The following PIP4K2A variants were observed in gnomAD, a reference collection of about 807,000 sequenced individuals.
PIP4K2A encodes phosphatidylinositol 5-phosphate 4-kinase type-2 alpha.
In PIP4K2A, 14 loss-of-function variants were observed where a neutral mutation model predicts 42.9. That is an observed-to-expected ratio of 0.33 (90% CI 0.22 to 0.51). The LOEUF (loss-of-function observed/expected upper bound fraction) is 0.51, where lower values mean the gene tolerates loss of function less well. PIP4K2A is among the 20% of genes least tolerant of loss of function. PIP4K2A has a pLI of 0.97. For synonymous variants in PIP4K2A, 192 were observed against 192.2 expected (o/e 1.00, Z 0.01); for missense variants, 434 against 519.8 (o/e 0.83, Z 1.61).
At chr10:22,623,627 G>T (rs1454111403) in intron 1 of PIP4K2A, among the ~76,000 whole-genome samples, 1 of 152,178 alleles carries the variant, frequency 6.6e-6, no homozygotes, top group Non-Finnish European at 1.5e-5. Context: ...GGACGTCCGT[G>T]CACTGCTCAG....
At chr10:22,695,867 G>A (rs1010390403) in intron 1 of PIP4K2A, among the ~76,000 whole-genome samples, 2 of 151,382 alleles carry the variant, frequency 1.3e-5, no homozygotes, top group Admixed American at 6.6e-5. Flanking sequence ...TAATATTTTC[G>A]ACCCGTGGTT....
Position 22,539,970 on chromosome 10 carries a change from C to T in PIP4K2A, c.1140+1G>A, listed in dbSNP as rs775248163. On this transcript the variant is annotated splice_donor_variant, in intron 9 of 9. Transcript: ENST00000376573. LOFTEE classifies it high-confidence loss of function. ...GAAGGAAACAAAATGGAGATACTCA[C>T]GCCATGTTTAACAGTTTTTGCAGCA... 2.6e-6 allele frequency: 4 copies of T among 1,552,844 alleles called. No homozygotes were observed. The highest frequency in any genetic ancestry group is 1.1e-5 in the South Asian group (1 of 89,848).
intron 1 of PIP4K2A, among the ~76,000 whole-genome samples, chr10:22,618,020 A>C (rs1036152369): frequency 6.6e-6 from 1 of 152,232 alleles, no homozygotes; most frequent in African/African-American, 2.4e-5. Flanking sequence ...TATGATGACT[A>C]TTCTAGATAC....
At chr10:22,681,335 C>T (rs1308778306) in intron 1 of PIP4K2A, among the ~76,000 whole-genome samples, 1 of 152,186 alleles carries the variant, frequency 6.6e-6, no homozygotes, top group Non-Finnish European at 1.5e-5. Flanking sequence ...CCTCTGTCTC[C>T]CCTACACTGT....
intron 3 of PIP4K2A, among the ~76,000 whole-genome samples, chr10:22,602,394 T>TAAAAAA (rs71395805): frequency 9.9e-6 from 1 of 101,254 alleles, no homozygotes; most frequent in African/African-American, 3.1e-5. Context: ...ACTCTGTCTA[T>TAAAAAA]AAAAAAAAAA....
rs954237860 is a variant in PIP4K2A, at chr10:22,536,943, G to A, written c.*258C>T. 2 of 405,610 alleles carry A rather than the reference G, an allele frequency of 4.9e-6. No individual in the cohort carries two copies. Among genetic ancestry groups the A allele is most frequent in the East Asian group, 4.2e-5 (1 of 23,762 alleles). The allele number at this position is 405,610 out of a possible 1,614,324, so 25.1% of individuals were successfully genotyped here. A position where few individuals can be genotyped will look rare whatever the true frequency, so the allele number is the denominator to read the frequency against. Reference sequence around the variant, plus strand: ...AATTTATGACTTTTAAAATGCACACGCGCGCACACACTCACCCCCCCCCAA... The same window carrying A: ...AATTTATGACTTTTAAAATGCACACACGCGCACACACTCACCCCCCCCCAA... On this transcript the variant is annotated 3_prime_UTR_variant, in exon 10 of 10. Transcript: ENST00000376573.
chr10:22,648,046 G>A (rs77204529), intron 1 of PIP4K2A, among the ~76,000 whole-genome samples: 1,899 of 152,270 alleles, frequency 0.012, 42 homozygotes, highest in African/African-American at 0.042. Context: ...CTTCAAGGCT[G>A]TTCAGACTTT....
chr10:22,596,527 G>C (rs901793710), intron 3 of PIP4K2A, among the ~76,000 whole-genome samples: 15 of 152,214 alleles, frequency 9.9e-5, no homozygotes, highest in African/African-American at 3.6e-4. Context: ...CCTCAAAACA[G>C]TCTATCTACT....
intron 7 of PIP4K2A, among the ~76,000 whole-genome samples, chr10:22,549,948 T>C (rs189392868): frequency 6.4e-4 from 97 of 150,950 alleles, no homozygotes; most frequent in African/African-American, 2.3e-3. Flanking sequence ...GCAAATCCAA[T>C]GGAAAAGCTG....
intron 3 of PIP4K2A, among the ~76,000 whole-genome samples, chr10:22,601,275 C>T (rs1837768871): frequency 1.3e-5 from 2 of 151,428 alleles, no homozygotes; most frequent in Non-Finnish European, 2.9e-5. Flanking sequence ...AGCCACGAGG[C>T]AAAACCCAAA....
Position 22,595,009 on chromosome 10 carries a change from C to G in PIP4K2A, c.340-3228G>C, listed in dbSNP as rs866657301. 2.6e-5 allele frequency among the ~76,000 whole-genome samples: 4 copies of G among 152,112 alleles called. No homozygotes were observed. In the South Asian group the frequency reaches 8.3e-4, roughly 32 times the overall value. Reference sequence around the variant, plus strand: ...GAAATAACCAATGAAGTTAGGAACACTGTGTCAAAACATAGAATGTACCTT... The same window carrying G: ...GAAATAACCAATGAAGTTAGGAACAGTGTGTCAAAACATAGAATGTACCTT... On this transcript the variant is annotated intron_variant, in intron 3 of 9. Transcript: ENST00000376573.
chr10:22,673,832 T>A (rs980950063), intron 1 of PIP4K2A, among the ~76,000 whole-genome samples: 1 of 152,186 alleles, frequency 6.6e-6, no homozygotes. Flanking sequence ...TACCACTATT[T>A]AATCCTTTTT....
chr10:22,563,366 C>A (rs1454556065), intron 6 of PIP4K2A, among the ~76,000 whole-genome samples: 1 of 152,158 alleles, frequency 6.6e-6, no homozygotes, highest in Non-Finnish European at 1.5e-5. Flanking sequence ...AAAAGTTTTA[C>A]AAATATGTAC....
chr10:22,564,766 C>G (rs1210437213), intron 6 of PIP4K2A, among the ~76,000 whole-genome samples: 1 of 152,190 alleles, frequency 6.6e-6, no homozygotes, highest in East Asian at 1.9e-4. Context: ...GCCAAAGAAG[C>G]CTCCACCATT....
chr10:22,624,670 T>C (rs1030107533), intron 1 of PIP4K2A, among the ~76,000 whole-genome samples: 1 of 152,140 alleles, frequency 6.6e-6, no homozygotes, highest in Non-Finnish European at 1.5e-5. Context: ...CTCAGTAGTA[T>C]GTTACCTAGC....
At chr10:22,634,016 A>G (rs1838609490) in intron 1 of PIP4K2A, among the ~76,000 whole-genome samples, 1 of 152,192 alleles carries the variant, frequency 6.6e-6, no homozygotes, top group African/African-American at 2.4e-5. Context: ...CGCTTAATAG[A>G]TCTTTGCTGA....
In PIP4K2A at chr10:22,629,364, G is replaced by A. The variant is rs186432875; in HGVS notation, c.145-19647C>T. Among the ~76,000 whole-genome samples the A allele has an allele frequency of 6.3e-3, 955 of 152,254 alleles. 3 individuals are homozygous for A. The highest frequency in any genetic ancestry group is 9.9e-3 in the Non-Finnish European group (674 of 68,006). ...GCACTCACTAGACCTATGATTCTAA[G>A]ACAACTGCAGTCATACCTCGAGTCA... On this transcript the variant is annotated intron_variant, in intron 1 of 9. Transcript: ENST00000376573.
intron 1 of PIP4K2A, among the ~76,000 whole-genome samples, chr10:22,692,705 T>C (rs991097226): frequency 3.9e-5 from 6 of 152,200 alleles, no homozygotes; most frequent in African/African-American, 1.4e-4. Context: ...GGCCTTCCCT[T>C]AGAGATGGAA....
chr10:22,626,422 A>G (rs925827195), intron 1 of PIP4K2A, among the ~76,000 whole-genome samples: 2 of 152,244 alleles, frequency 1.3e-5, no homozygotes, highest in Non-Finnish European at 2.9e-5. Flanking sequence ...GTCTAAAGAA[A>G]TAATTGTTTA....
Sources: gnomAD v4.1 joint callset for allele counts (sites outside exome capture counted in the v4.1 genomes callset) on GRCh38, gnomAD v4.1.1 for gene constraint, MANE v1.5 for transcripts, NCBI Gene and HGNC (gene_info 2026-07-23, HGNC 2026-07-21) for gene names.